The following KDM2A variants were observed in gnomAD, a reference collection of about 807,000 sequenced individuals.
The protein encoded by KDM2A is lysine demethylase 2A.
KDM2A carries 3 observed loss-of-function variants against 137.3 expected under a neutral mutation model. That is an observed-to-expected ratio of 0.02 (90% CI 0.01 to 0.06). The LOEUF is 0.06. KDM2A is among the 10% of genes least tolerant of loss of function. KDM2A has a pLI of 1.00. For synonymous variants in KDM2A, 512 were observed against 541.5 expected, an observed-to-expected ratio of 0.95 and a Z score of 0.76; for missense variants, 738 against 1,510.6, an observed-to-expected ratio of 0.49 and a Z score of 8.48.
chr11:67,141,639 C>T (rs2136294360), intron 2 of KDM2A, among the ~76,000 whole-genome samples: 1 of 130,172 alleles, frequency 7.7e-6, no homozygotes, highest in East Asian at 2.2e-4. Context: ...TGTATTCCAG[C>T]CTGGGCGACA....
chr11:67,201,891 G>A (rs968546139), intron 5 of KDM2A, among the ~76,000 whole-genome samples: 1 of 151,224 alleles, frequency 6.6e-6, no homozygotes, highest in Non-Finnish European at 1.5e-5. Flanking sequence ...GGAATTCGAG[G>A]TTGCAATGAG....
chr11:67,147,587 T>C (rs1856282428), intron 2 of KDM2A, among the ~76,000 whole-genome samples: 4 of 151,344 alleles, frequency 2.6e-5, no homozygotes, highest in Admixed American at 6.6e-5. Flanking sequence ...CAAGAGCCAG[T>C]GAACCTAGTT....
rs930538339 is a variant in KDM2A at position 67,256,537 on chromosome 11, T to G, written c.*1482T>G. ...CCTCTTCCCCCCACCCCGCCCCGCC[T>G]TTTGGTCGTCCATCCCTGTCCCTTT... On this transcript the variant is annotated 3_prime_UTR_variant, in exon 21 of 21. Transcript: ENST00000529006. 1 of 152,252 alleles carries G rather than the reference T, an allele frequency of 6.6e-6. No individual in the cohort carries two copies. The highest frequency in any genetic ancestry group is 1.5e-5 in the Non-Finnish European group (1 of 68,024). 9.4% of individuals were successfully genotyped at this position (152,252 alleles called of 1,614,324 possible).
chr11:67,219,413 CTT>C lies in KDM2A; in HGVS notation c.957+11_957+12del. ...TGAAGATCGGACACGGGTAAGTAAT[CTT>C]ATGTAACAGTTGCATGTGAAGAGGT... On this transcript the variant is annotated intron_variant, in intron 10 of 20. Coordinates refer to ENST00000529006, the MANE Select transcript of KDM2A (RefSeq NM_012308.3). The C allele has an allele frequency of 6.7e-7, 1 of 1,483,900 alleles. No individual in the cohort carries two copies. The highest frequency in any genetic ancestry group is 9.3e-7 in the Non-Finnish European group (1 of 1,075,460). 91.9% of individuals were successfully genotyped at this position (1,483,900 alleles called of 1,614,324 possible).
intron 5 of KDM2A, among the ~76,000 whole-genome samples, chr11:67,188,790 CAAA>C (rs1207477143): frequency 8.9e-4 from 66 of 73,782 alleles, no homozygotes; most frequent in African/African-American, 2.3e-3. Flanking sequence ...GACACTGTCT[CAAA>C]AAAAAAAAAA....
chr11:67,240,380 C>T, intron 12 of KDM2A: 2 of 1,532,786 alleles, frequency 1.3e-6, no homozygotes, highest in East Asian at 2.4e-5. Flanking sequence ...GTCAGGGGGT[C>T]GATCGGCAAA....
intron 6 of KDM2A, among the ~76,000 whole-genome samples, chr11:67,212,328 G>A (rs1312315028): frequency 2.0e-5 from 3 of 152,124 alleles, no homozygotes; most frequent in African/African-American, 4.8e-5. Flanking sequence ...AGTAGGTTCC[G>A]GGAGGTAAGA....
intron 18 of KDM2A, 48 bp from the exon 19 acceptor site, chr11:67,253,405 A>C: frequency 6.5e-7 from 1 of 1,549,036 alleles, no homozygotes; most frequent in African/African-American, 1.4e-5. Context: ...GGCTCTGAGT[A>C]TGCTGGGAAA....
At chr11:67,242,853 C>T (rs1426561454) in intron 12 of KDM2A, among the ~76,000 whole-genome samples, 156 bp from the exon 13 acceptor site, 1 of 152,156 alleles carries the variant, frequency 6.6e-6, no homozygotes, top group African/African-American at 2.4e-5. Flanking sequence ...TATTTGTTTT[C>T]CAGTGAGTCT....
chr11:67,200,341 G>T (rs1052818860), intron 5 of KDM2A, among the ~76,000 whole-genome samples: 1 of 151,700 alleles, frequency 6.6e-6, no homozygotes, highest in South Asian at 2.1e-4. Context: ...TCAGCCTCCC[G>T]AGTAGCTGGG....
At chr11:67,179,031 C>G (rs1051405285) in intron 2 of KDM2A, among the ~76,000 whole-genome samples, 1 of 152,188 alleles carries the variant, frequency 6.6e-6, no homozygotes, top group Admixed American at 6.6e-5. Context: ...TATGAGGCTT[C>G]CAGTTGGTCT....
In KDM2A at chr11:67,255,460, C is replaced by T. The variant is rs541948996; in HGVS notation, c.*405C>T. The T allele has an allele frequency of 4.8e-5, 22 of 459,792 alleles. No individual in the cohort carries two copies. The highest frequency in any genetic ancestry group is 7.7e-5 in the South Asian group (5 of 64,600). 28.5% of individuals were successfully genotyped at this position (459,792 alleles called of 1,614,324 possible). Reference sequence around the variant, plus strand: ...CTGAGCAAACTCCCAGGGAAGAAAACGGCCCTGTCTCCATGGCCAGGTTCT... The same window carrying T: ...CTGAGCAAACTCCCAGGGAAGAAAATGGCCCTGTCTCCATGGCCAGGTTCT... On this transcript the variant is annotated 3_prime_UTR_variant, in exon 21 of 21. Coordinates refer to ENST00000529006, the MANE Select transcript of KDM2A (RefSeq NM_012308.3).
chr11:67,143,631 A>G (rs1207503462), intron 2 of KDM2A, among the ~76,000 whole-genome samples: 1 of 151,126 alleles, frequency 6.6e-6, no homozygotes. Flanking sequence ...TTATTTATTT[A>G]TTTATTTATT....
In KDM2A at chr11:67,141,997, A is replaced by C. The variant is rs1165491808; in HGVS notation, c.42+20639A>C. Among the ~76,000 whole-genome samples the C allele has an allele frequency of 2.3e-4, 35 of 152,032 alleles. 2 individuals carry two copies. On this transcript the variant is annotated intron_variant, in intron 2 of 20. Coordinates refer to ENST00000529006, the MANE Select transcript of KDM2A (RefSeq NM_012308.3). ...TCCATCCATGTTCCGAAAATGACAG[A>C]ATTTCATTCTTTTTTATGGATGAAT... is the stretch of plus-strand genomic sequence containing the variant.
chr11:67,144,544 G>T (rs886719222), intron 2 of KDM2A, among the ~76,000 whole-genome samples: 2 of 151,444 alleles, frequency 1.3e-5, no homozygotes, highest in African/African-American at 4.9e-5. Flanking sequence ...GAGCCACCGT[G>T]CCCGGCCCCA....
chr11:67,188,507 A>C (rs1463794482), intron 5 of KDM2A, among the ~76,000 whole-genome samples: 2 of 149,092 alleles, frequency 1.3e-5, no homozygotes, highest in South Asian at 4.2e-4. Flanking sequence ...GAAAGAAAAA[A>C]TGGTTGGGCA....
chr11:67,164,023 G>C (rs1273468654), intron 2 of KDM2A, among the ~76,000 whole-genome samples: 1 of 152,050 alleles, frequency 6.6e-6, no homozygotes, highest in East Asian at 1.9e-4. Context: ...CTAGAAACCT[G>C]GTCTGGACCC....
rs1858224335 is a variant in KDM2A, at chr11:67,218,033, G to C, written c.841+149G>C. ...CTGTCATTATGGAATAGATGCTGAG[G>C]TTTTGTTTGTTTTGTTTTCAGTTTG... On this transcript the variant is annotated intron_variant, in intron 9 of 20. Coordinates refer to ENST00000529006, the MANE Select transcript of KDM2A (RefSeq NM_012308.3). The C allele has an allele frequency of 6.8e-6, 5 of 736,784 alleles. No individual in the cohort carries two copies. In the East Asian group the frequency reaches 8.3e-5, roughly 12 times the overall value. The allele number at this position is 736,784 out of a possible 1,614,324, so 45.6% of individuals were successfully genotyped here. A position where few individuals can be genotyped will look rare whatever the true frequency, so the allele number is the denominator to read the frequency against.
intron 10 of KDM2A, 79 bp downstream of exon 10, chr11:67,219,482 GT>G: frequency 1.5e-6 from 1 of 645,444 alleles, no homozygotes; most frequent in Non-Finnish European, 2.4e-6. Context: ...TTCACTGATG[GT>G]TTATCAAAAC....
Sources: allele counts gnomAD v4.1 joint callset (sites outside exome capture counted in the v4.1 genomes callset), GRCh38; gene constraint gnomAD v4.1.1; transcripts MANE v1.5; gene names NCBI Gene and HGNC (gene_info 2026-07-23, HGNC 2026-07-21).